The following SLC24A2 variants were observed in gnomAD, a reference collection of about 807,000 sequenced individuals.
The protein encoded by SLC24A2 is sodium/potassium/calcium exchanger 2.
In SLC24A2, 36 loss-of-function variants were observed where a neutral mutation model predicts 62.0. The ratio of observed to expected loss-of-function variants is 0.58; its 90% confidence interval spans 0.44 to 0.77. The LOEUF is 0.77. Among genes scored for constraint, SLC24A2 ranks in the 30% least tolerant of loss-of-function variants. The pLI, the probability that SLC24A2 is intolerant of heterozygous loss-of-function variation, is 0.00. For synonymous variants in SLC24A2, 358 were observed against 294.0 expected, an observed-to-expected ratio of 1.22 and a Z score of -2.23; for missense variants, 846 against 817.9, an observed-to-expected ratio of 1.03 and a Z score of -0.42.
chr9:20,088,138 G>T, the SLC24A2 span, among the ~76,000 whole-genome samples: 3 of 152,214 alleles, frequency 2.0e-5, no homozygotes, highest in African/African-American at 4.8e-5. Flanking sequence ...AAATCAGGAG[G>T]TTGGACCCCC....
the SLC24A2 span, among the ~76,000 whole-genome samples, chr9:19,882,029 G>A: frequency 6.6e-6 from 1 of 152,032 alleles, no homozygotes; most frequent in Admixed American, 6.6e-5. Flanking sequence ...CACATTGATG[G>A]TGTTTATAAT....
chr9:20,065,223 C>T, the SLC24A2 span, among the ~76,000 whole-genome samples: 1 of 152,224 alleles, frequency 6.6e-6, no homozygotes, highest in African/African-American at 2.4e-5. Flanking sequence ...CGAGTGGCCC[C>T]ACTTCCTCTC....
chr9:19,772,695 A>G (rs1822725557), intron 2 of SLC24A2, among the ~76,000 whole-genome samples: 1 of 152,210 alleles, frequency 6.6e-6, no homozygotes, highest in Non-Finnish European at 1.5e-5. Flanking sequence ...AAAAAAGCTA[A>G]TAACAAATGT....
At chr9:19,991,651 A>G in the SLC24A2 span, among the ~76,000 whole-genome samples, 19 of 152,332 alleles carry the variant, frequency 1.2e-4, no homozygotes, top group African/African-American at 4.1e-4. Context: ...TGCTATGCTT[A>G]TAACTACCAT....
At chr9:19,953,063 A>T in the SLC24A2 span, among the ~76,000 whole-genome samples, 2 of 151,962 alleles carry the variant, frequency 1.3e-5, no homozygotes, top group African/African-American at 4.8e-5. Flanking sequence ...ACATTGCCTT[A>T]TTATCCCTTT....
At chr9:19,681,282 C>T (rs1819715220) in intron 2 of SLC24A2, among the ~76,000 whole-genome samples, 1 of 151,332 alleles carries the variant, frequency 6.6e-6, no homozygotes, top group Non-Finnish European at 1.5e-5. Context: ...CCCTCCCTTC[C>T]TTCAAGTCTT....
the SLC24A2 span, among the ~76,000 whole-genome samples, chr9:19,847,550 A>G: frequency 3.9e-5 from 6 of 152,206 alleles, no homozygotes; most frequent in Non-Finnish European, 8.8e-5. Flanking sequence ...TTTGTAAGGT[A>G]ATTTGTCTCA....
At chr9:19,770,855 G>C (rs78011057) in intron 2 of SLC24A2, among the ~76,000 whole-genome samples, 3,325 of 152,188 alleles carry the variant, frequency 0.022, 121 homozygotes, top group African/African-American at 0.077. Flanking sequence ...ATTTTTTTAA[G>C]ATGGTAAAAA....
At chr9:19,649,972 T>C (rs1387595833) in intron 2 of SLC24A2, among the ~76,000 whole-genome samples, 1 of 152,194 alleles carries the variant, frequency 6.6e-6, no homozygotes, top group African/African-American at 2.4e-5. Context: ...GCAAAAGCTC[T>C]AAAAGCAGAC....
chr9:19,980,709 C>T, the SLC24A2 span, among the ~76,000 whole-genome samples: 1 of 152,092 alleles, frequency 6.6e-6, no homozygotes, highest in Admixed American at 6.6e-5. Context: ...ATCTTACCTG[C>T]CTCAGAGAAA....
the SLC24A2 span, among the ~76,000 whole-genome samples, chr9:19,938,928 A>C: frequency 2.3e-3 from 343 of 152,354 alleles, 7 homozygotes; most frequent in East Asian, 0.06. Flanking sequence ...AAACAAAGAA[A>C]TCAACAAAAC....
the SLC24A2 span, among the ~76,000 whole-genome samples, chr9:20,199,695 A>C: frequency 6.6e-6 from 1 of 151,692 alleles, no homozygotes; most frequent in Non-Finnish European, 1.5e-5. Flanking sequence ...TGATATTCTG[A>C]TATCTGGGTT....
chr9:19,828,875 G>A, the SLC24A2 span, among the ~76,000 whole-genome samples: 8 of 152,134 alleles, frequency 5.3e-5, no homozygotes, highest in African/African-American at 1.9e-4. Flanking sequence ...GCTCAGAGAA[G>A]CCTTGGCTCC....
chr9:19,526,254 G>C (rs753927917), intron 9 of SLC24A2, among the ~76,000 whole-genome samples: 1 of 152,156 alleles, frequency 6.6e-6, no homozygotes, highest in African/African-American at 2.4e-5. Flanking sequence ...TTCATCAGTT[G>C]ATGGACATTT....
intron 2 of SLC24A2, among the ~76,000 whole-genome samples, chr9:19,671,363 G>A (rs943153569): frequency 3.3e-5 from 5 of 151,702 alleles, no homozygotes; most frequent in Non-Finnish European, 7.4e-5. Context: ...CTTGGTCACT[G>A]TTGGTGTATA....
chr9:19,931,183 A>C, the SLC24A2 span, among the ~76,000 whole-genome samples: 2 of 152,248 alleles, frequency 1.3e-5, no homozygotes, highest in Non-Finnish European at 2.9e-5. Context: ...CCATCCTTCC[A>C]GCCAAGTAAG....
chr9:20,305,378 T>C, the SLC24A2 span, among the ~76,000 whole-genome samples: 5 of 152,258 alleles, frequency 3.3e-5, no homozygotes, highest in South Asian at 8.3e-4. Context: ...GTGCTGGGAT[T>C]ACAGGCATGA....
chr9:20,046,538 G>C, the SLC24A2 span, among the ~76,000 whole-genome samples: 1 of 152,090 alleles, frequency 6.6e-6, no homozygotes, highest in Non-Finnish European at 1.5e-5. Context: ...ATTTTTTTCT[G>C]TTAAGAATGC....
At chr9:19,667,434 T>C (rs1312514792) in intron 2 of SLC24A2, among the ~76,000 whole-genome samples, 2 of 152,226 alleles carry the variant, frequency 1.3e-5, no homozygotes, top group African/African-American at 4.8e-5. Context: ...CAGGTCTGAC[T>C]GGTCATTGCA....
Sources: allele counts gnomAD v4.1 joint callset (sites outside exome capture counted in the v4.1 genomes callset), GRCh38; gene constraint gnomAD v4.1.1; transcripts MANE v1.5; gene names NCBI Gene and HGNC (gene_info 2026-07-23, HGNC 2026-07-21).